Variants in LUZP2 observed in about 807,000 individuals in gnomAD.
The protein encoded by LUZP2 is leucine zipper protein 2.
LUZP2 carries 52 observed loss-of-function variants against 51.6 expected under a neutral mutation model. That is an observed-to-expected ratio of 1.01 (90% CI 0.81 to 1.27). The LOEUF (loss-of-function observed/expected upper bound fraction) is 1.27. Ranked by LOEUF, LUZP2 falls within the 50% of genes most tolerant of loss-of-function variation. The pLI is 0.00. For synonymous variants in LUZP2, 154 were observed against 137.3 expected, an observed-to-expected ratio of 1.12 and a Z score of -0.85; for missense variants, 436 against 395.4, an observed-to-expected ratio of 1.10 and a Z score of -0.87.
chr11:24,922,997 C>T (rs992283251), intron 7 of LUZP2, among the ~76,000 whole-genome samples: 6 of 151,428 alleles, frequency 4.0e-5, no homozygotes, highest in Admixed American at 6.6e-5. Flanking sequence ...TACAGGCACC[C>T]GCCACCACGC....
In LUZP2 at chr11:24,552,300, C is replaced by T. The variant is rs1482829669; in HGVS notation, c.62+54995C>T. Among the ~76,000 whole-genome samples the T allele has an allele frequency of 3.3e-5, 5 of 152,042 alleles. No homozygotes were observed. The East Asian group carries it at 7.7e-4, about 23-fold the overall frequency. On this transcript the variant is annotated intron_variant, in intron 1 of 11. Coordinates refer to ENST00000336930, the MANE Select transcript of LUZP2 (RefSeq NM_001009909.4). The stretch of plus-strand genomic sequence containing the variant: ...TCATCTGCAGAAACATAATTTGATA[C>T]ATTTCAAAAATGTTTTAATGATAAA...
intron 5 of LUZP2, among the ~76,000 whole-genome samples, chr11:24,825,104 GTTTA>G (rs1445734190): frequency 6.6e-6 from 1 of 151,970 alleles, no homozygotes; most frequent in Non-Finnish European, 1.5e-5. Context: ...GAATGTTTAT[GTTTA>G]TTAATTTTAT....
At chr11:24,674,722 G>T (rs1856493375) in intron 1 of LUZP2, among the ~76,000 whole-genome samples, 1 of 152,064 alleles carries the variant, frequency 6.6e-6, no homozygotes, top group African/African-American at 2.4e-5. Flanking sequence ...AAAAAAGTCT[G>T]TGAGATTTCC....
chr11:24,934,008 G>A (rs1854527106), intron 7 of LUZP2, among the ~76,000 whole-genome samples: 1 of 152,192 alleles, frequency 6.6e-6, no homozygotes, highest in African/African-American at 2.4e-5. Context: ...AGGATGGGGA[G>A]GGTGTATCGT....
intron 1 of LUZP2, chr11:24,701,385 A>C (rs1857417157): frequency 6.0e-6 from 1 of 167,634 alleles, no homozygotes; most frequent in South Asian, 2.1e-4. Flanking sequence ...AAATGAAGCC[A>C]AAAAGGCAGC....
intron 1 of LUZP2, among the ~76,000 whole-genome samples, chr11:24,513,591 T>A (rs2133782014): frequency 6.6e-6 from 1 of 152,344 alleles, no homozygotes; most frequent in South Asian, 2.1e-4. Context: ...AGGATCTATA[T>A]AATACGTGAC....
chr11:24,518,082 G>A (rs1229266676), intron 1 of LUZP2, among the ~76,000 whole-genome samples: 1 of 152,060 alleles, frequency 6.6e-6, no homozygotes, highest in African/African-American at 2.4e-5. Context: ...GGGGATAAAA[G>A]GCCTATAATT....
At chr11:24,801,977 T>C (rs1849711629) in intron 5 of LUZP2, among the ~76,000 whole-genome samples, 1 of 151,908 alleles carries the variant, frequency 6.6e-6, no homozygotes, top group African/African-American at 2.4e-5. Flanking sequence ...TGTGTACATA[T>C]GTTTAATGAT....
intron 1 of LUZP2, among the ~76,000 whole-genome samples, chr11:24,648,737 T>A (rs909761466): frequency 6.6e-6 from 1 of 151,836 alleles, no homozygotes; most frequent in Non-Finnish European, 1.5e-5. Flanking sequence ...CGATAAGGGG[T>A]ATATGCATAC....
intron 7 of LUZP2, among the ~76,000 whole-genome samples, chr11:24,933,460 C>A (rs933698798): frequency 6.6e-6 from 1 of 152,168 alleles, no homozygotes; most frequent in African/African-American, 2.4e-5. Flanking sequence ...ATATAAGTCT[C>A]CTGACCAGGT....
At chr11:24,609,196 T>TA (rs531311150) in intron 1 of LUZP2, among the ~76,000 whole-genome samples, 6 of 151,766 alleles carry the variant, frequency 4.0e-5, no homozygotes, top group Non-Finnish European at 8.8e-5. Flanking sequence ...AAGCAAGCTT[T>TA]AAAAAAAATA....
At chr11:24,500,369 T>C (rs1277171290) in intron 1 of LUZP2, among the ~76,000 whole-genome samples, 2 of 152,164 alleles carry the variant, frequency 1.3e-5, no homozygotes, top group Non-Finnish European at 2.9e-5. Flanking sequence ...AGAAACTCAT[T>C]TAAACTGTAC....
At chr11:24,600,009 C>T (rs1025563077) in intron 1 of LUZP2, among the ~76,000 whole-genome samples, 2 of 152,000 alleles carry the variant, frequency 1.3e-5, no homozygotes, top group African/African-American at 2.4e-5. Context: ...AAAATATTCT[C>T]CATAAAAGAT....
Position 24,960,429 on chromosome 11 carries a change from C to T in LUZP2, c.523-16162C>T, listed in dbSNP as rs527408967. Among the ~76,000 whole-genome samples the T allele has an allele frequency of 3.4e-4, 51 of 152,210 alleles. 1 individual carries two copies. Among genetic ancestry groups the T allele is most frequent in the African/African-American group, 1.2e-3 (48 of 41,524 alleles). On this transcript the variant is annotated intron_variant, in intron 7 of 11. Coordinates refer to ENST00000336930, the MANE Select transcript of LUZP2 (RefSeq NM_001009909.4). ...ATTGATTATTGCCTCAATTTCAGCTCCTGTTATTGGTCTAGTCAGAGATTC... is the reference window on the plus strand; with the variant it reads ...ATTGATTATTGCCTCAATTTCAGCTTCTGTTATTGGTCTAGTCAGAGATTC...
chr11:24,968,812 C>T (rs945688941), intron 7 of LUZP2, among the ~76,000 whole-genome samples: 3 of 152,176 alleles, frequency 2.0e-5, no homozygotes, highest in African/African-American at 7.2e-5. Flanking sequence ...CATTGCTCTT[C>T]GCACCTTGGT....
At chr11:24,786,810 C>A in intron 5 of LUZP2, 1 of 150,972 alleles carries the variant, frequency 6.6e-6, no homozygotes, top group East Asian at 2.0e-4. Flanking sequence ...ATGAATTAAA[C>A]AATTGCCTAT....
At chr11:24,734,680 T>A (rs1377518756) in intron 3 of LUZP2, among the ~76,000 whole-genome samples, 5 of 151,910 alleles carry the variant, frequency 3.3e-5, no homozygotes, top group Non-Finnish European at 7.4e-5. Flanking sequence ...ATATAAAAAT[T>A]GTGTGTATAT....
At chr11:24,756,887 T>C (rs2631414) in intron 4 of LUZP2, among the ~76,000 whole-genome samples, 120,758 of 152,214 alleles carry the variant, frequency 0.79, 48,062 homozygotes, top group East Asian at 0.89. Flanking sequence ...GACCCACCAG[T>C]TTCAAGCTGA....
chr11:24,917,101 T>C (rs1408206243), intron 7 of LUZP2, among the ~76,000 whole-genome samples: 4 of 152,210 alleles, frequency 2.6e-5, no homozygotes, highest in African/African-American at 7.2e-5. Flanking sequence ...TGAGCATTTT[T>C]TCATGTGTCT....
Sources: gnomAD v4.1 joint callset for allele counts (sites outside exome capture counted in the v4.1 genomes callset) on GRCh38, gnomAD v4.1.1 for gene constraint, MANE v1.5 for transcripts, NCBI Gene and HGNC (gene_info 2026-07-23, HGNC 2026-07-21) for gene names.